ROBO1: variants seen among roughly 807,000 people sequenced by gnomAD.
ROBO1 encodes the protein roundabout homolog 1.
ROBO1 carries 149 observed loss-of-function variants against 195.9 expected under a neutral mutation model. The ratio of observed to expected loss-of-function variants is 0.76; its 90% confidence interval spans 0.67 to 0.87. ROBO1 has a LOEUF of 0.87. Ranked by LOEUF, ROBO1 falls within the 40% of genes least tolerant of loss-of-function variation. The pLI, the probability that ROBO1 is intolerant of heterozygous loss-of-function variation, is 0.00. For synonymous variants in ROBO1, 816 were observed against 733.2 expected (o/e 1.11, Z -1.82); for missense variants, 1,933 against 2,068.3 (o/e 0.93, Z 1.27).
intron 3 of ROBO1, among the ~76,000 whole-genome samples, chr3:78,950,419 C>A (rs1158374775): frequency 6.7e-6 from 1 of 148,346 alleles, no homozygotes; most frequent in Non-Finnish European, 1.5e-5. Context: ...GGAGAAAAAA[C>A]CAAACACCGC....
chr3:78,878,002 T>C (rs1251289374), intron 4 of ROBO1, among the ~76,000 whole-genome samples: 2 of 152,172 alleles, frequency 1.3e-5, no homozygotes, highest in African/African-American at 4.8e-5. Context: ...TTGAACCTGC[T>C]GGATGACGTT....
At chr3:78,904,308 T>C (rs569815108) in intron 4 of ROBO1, among the ~76,000 whole-genome samples, 36 of 152,216 alleles carry the variant, frequency 2.4e-4, no homozygotes, top group Admixed American at 7.2e-4. Flanking sequence ...ATATAACTAA[T>C]AGCAATACTA....
intron 2 of ROBO1, among the ~76,000 whole-genome samples, chr3:79,378,502 C>T (rs1304158082): frequency 2.0e-5 from 3 of 152,174 alleles, no homozygotes; most frequent in African/African-American, 7.2e-5. Flanking sequence ...GATGTAGAAT[C>T]CATGACTGCT....
chr3:79,655,643 C>A (rs1021310533), intron 1 of ROBO1, among the ~76,000 whole-genome samples: 1 of 151,836 alleles, frequency 6.6e-6, no homozygotes, highest in East Asian at 1.9e-4. Context: ...CTTTCATTGC[C>A]ATTAATTAAT....
At chr3:78,974,102 T>C (rs974094958) in intron 3 of ROBO1, among the ~76,000 whole-genome samples, 24 of 152,188 alleles carry the variant, frequency 1.6e-4, no homozygotes, top group Non-Finnish European at 3.4e-4. Context: ...TAGCGAATAA[T>C]TTTTAAACCA....
chr3:79,645,760 G>A (rs1945802720), intron 1 of ROBO1, among the ~76,000 whole-genome samples: 1 of 152,052 alleles, frequency 6.6e-6, no homozygotes, highest in African/African-American at 2.4e-5. Flanking sequence ...CATGATACTG[G>A]TATAGGCACA....
chr3:79,613,190 T>C (rs953886181), intron 1 of ROBO1, among the ~76,000 whole-genome samples: 3 of 152,032 alleles, frequency 2.0e-5, no homozygotes, highest in African/African-American at 7.2e-5. Flanking sequence ...TTTTTTCATT[T>C]AGCTACACTG....
At chr3:79,241,605 C>G (rs1186780694) in intron 2 of ROBO1, among the ~76,000 whole-genome samples, 1 of 151,190 alleles carries the variant, frequency 6.6e-6, no homozygotes, top group African/African-American at 2.4e-5. Context: ...TATGTTTTGC[C>G]TATAATATTG....
chr3:79,686,688 C>G (rs894351408), intron 1 of ROBO1, among the ~76,000 whole-genome samples: 7 of 152,108 alleles, frequency 4.6e-5, no homozygotes, highest in Non-Finnish European at 1.0e-4. Context: ...TCAAGGAGAA[C>G]TACAAACCAC....
At chr3:79,411,319 C>G (rs1010761562) in intron 2 of ROBO1, among the ~76,000 whole-genome samples, 17 of 152,220 alleles carry the variant, frequency 1.1e-4, no homozygotes, top group African/African-American at 4.1e-4. Context: ...TGGTTTTTGA[C>G]ATTTCTTAAA....
rs542612609 is a variant in ROBO1 at position 79,363,631 on chromosome 3, C to T, written c.88+226193G>A. Among the ~76,000 whole-genome samples, 6 of 152,290 alleles carry T rather than the reference C, an allele frequency of 3.9e-5. No individual in the cohort carries two copies. The South Asian group carries it at 1.0e-3, about 26-fold the overall frequency. The stretch of plus-strand genomic sequence containing the variant: ...GATATCAGTTTCACTGAGTTCTAGG[C>T]TTCCACACAGAAACATATGCATATG... On this transcript the variant is annotated intron_variant, in intron 2 of 30. Coordinates refer to ENST00000464233, the MANE Select transcript of ROBO1 (RefSeq NM_002941.4).
At chr3:78,809,055 C>G (rs369620494) in intron 4 of ROBO1, among the ~76,000 whole-genome samples, 1 of 152,154 alleles carries the variant, frequency 6.6e-6, no homozygotes, top group East Asian at 1.9e-4. Flanking sequence ...TCAGAGTGAA[C>G]AGGCAACCTA....
At chr3:79,379,068 A>C (rs2109363197) in intron 2 of ROBO1, among the ~76,000 whole-genome samples, 1 of 152,302 alleles carries the variant, frequency 6.6e-6, no homozygotes, top group East Asian at 1.9e-4. Context: ...TAAATCATTT[A>C]AGTTTTTGGA....
chr3:78,637,275 A>AACC lies in ROBO1; in HGVS notation c.3038-1170_3038-1168dup, dbSNP rs796497540. On this transcript the variant is annotated intron_variant, in intron 22 of 30. Transcript: ENST00000464233. ...TCAACTATTCTGCATTTCAACCATG[A>AACC]ACCGTCAGGGAACAGAAATATTTGA... is the stretch of plus-strand genomic sequence containing the variant. Among the ~76,000 whole-genome samples, 4 of 152,260 alleles carry AACC rather than the reference A, an allele frequency of 2.6e-5. No individual in the cohort carries two copies. The South Asian group carries it at 8.3e-4, about 32-fold the overall frequency.
At chr3:78,759,735 A>G (rs2083042748) in intron 4 of ROBO1, among the ~76,000 whole-genome samples, 1 of 152,186 alleles carries the variant, frequency 6.6e-6, no homozygotes, top group Admixed American at 6.5e-5. Context: ...GCTTTGAAAT[A>G]AGGAACTGTG....
chr3:79,069,440 T>A (rs1195689331), intron 3 of ROBO1, among the ~76,000 whole-genome samples: 1 of 151,902 alleles, frequency 6.6e-6, no homozygotes, highest in Non-Finnish European at 1.5e-5. Context: ...TAACACCTAT[T>A]GATGCCCCAC....
intron 29 of ROBO1, among the ~76,000 whole-genome samples, chr3:78,600,582 T>C (rs758869470): frequency 1.3e-5 from 2 of 152,128 alleles, no homozygotes; most frequent in African/African-American, 2.4e-5. Flanking sequence ...ACCAATATCA[T>C]TAAAAGAGGT....
At chr3:79,042,883 T>C (rs1475037358) in intron 3 of ROBO1, among the ~76,000 whole-genome samples, 2 of 152,312 alleles carry the variant, frequency 1.3e-5, no homozygotes, top group South Asian at 2.1e-4. Context: ...TCCATTTTAC[T>C]GCCAAATGTC....
intron 22 of ROBO1, among the ~76,000 whole-genome samples, chr3:78,639,513 A>G (rs1476680529): frequency 6.6e-6 from 1 of 152,194 alleles, no homozygotes; most frequent in Non-Finnish European, 1.5e-5. Context: ...TGATTGTAGA[A>G]TTTATCTTCC....
Sources: allele counts gnomAD v4.1 joint callset (sites outside exome capture counted in the v4.1 genomes callset), GRCh38; gene constraint gnomAD v4.1.1; transcripts MANE v1.5; gene names NCBI Gene and HGNC (gene_info 2026-07-23, HGNC 2026-07-21).